The following IGF2BP2 variants were observed in gnomAD, a reference collection of about 807,000 sequenced individuals.
IGF2BP2 encodes the protein insulin like growth factor 2 mRNA binding protein 2, also known as insulin-like growth factor 2 mRNA-binding protein 2.
Under a neutral mutation model 75.8 loss-of-function variants are expected in IGF2BP2, and 17 were observed. The observed-to-expected ratio is 0.22, with a 90% confidence interval of 0.15 to 0.34. The LOEUF is 0.34. IGF2BP2 is among the 10% of genes least tolerant of loss of function. The probability of loss-of-function intolerance (pLI) is 1.00; values close to 1 mark genes in which losing one functional copy is unlikely to be tolerated. For synonymous variants in IGF2BP2, 288 were observed against 295.6 expected (o/e 0.97, Z 0.26); for missense variants, 516 against 772.4 (o/e 0.67, Z 3.93).
rs534571366 is a variant in IGF2BP2 at position 185,701,049 on chromosome 3, A to G, written c.240-2702T>C. Among the ~76,000 whole-genome samples, 186 of 152,318 alleles carry G rather than the reference A, an allele frequency of 1.2e-3. 1 individual carries two copies. Among genetic ancestry groups the G allele is most frequent in the African/African-American group, 3.9e-3 (164 of 41,580 alleles). On this transcript the variant is annotated intron_variant, in intron 2 of 15. Transcript: ENST00000382199. The stretch of plus-strand genomic sequence containing the variant: ...GAAAAAGGCTGCACCAAGCAGATTT[A>G]GTTGGTAAAAGAATACTTTTAGCTA...
chr3:185,682,138 G>A (rs1194490068), intron 7 of IGF2BP2, among the ~76,000 whole-genome samples: 2 of 152,214 alleles, frequency 1.3e-5, no homozygotes, highest in Non-Finnish European at 2.9e-5. Context: ...TGGGATGGGA[G>A]AAATATTCAC....
At chr3:185,782,531 A>G (rs1735346549) in intron 2 of IGF2BP2, among the ~76,000 whole-genome samples, 1 of 152,096 alleles carries the variant, frequency 6.6e-6, no homozygotes, top group Non-Finnish European at 1.5e-5. Context: ...GTTTACATAG[A>G]AAGTTATATT....
intron 2 of IGF2BP2, among the ~76,000 whole-genome samples, chr3:185,764,539 A>G (rs1237164386): frequency 6.6e-6 from 1 of 152,180 alleles, no homozygotes; most frequent in Admixed American, 6.5e-5. Flanking sequence ...AGGTGAAGAG[A>G]CCAATCTGCA....
chr3:185,676,791 AAT>A (rs1246517619), intron 7 of IGF2BP2, among the ~76,000 whole-genome samples: 5 of 143,902 alleles, frequency 3.5e-5, no homozygotes, highest in East Asian at 2.0e-4. Context: ...ATTTACTGGA[AAT>A]ATATATATAT....
At chr3:185,683,212 T>C (rs1001711387) in intron 7 of IGF2BP2, among the ~76,000 whole-genome samples, 2 of 152,206 alleles carry the variant, frequency 1.3e-5, no homozygotes, top group African/African-American at 4.8e-5. Context: ...TATATGATTC[T>C]ACCTATATGA....
chr3:185,723,098 C>G (rs542364928), intron 2 of IGF2BP2, among the ~76,000 whole-genome samples: 1 of 152,120 alleles, frequency 6.6e-6, no homozygotes, highest in African/African-American at 2.4e-5. Context: ...GAGACTTTTA[C>G]GTCTTCAGAA....
chr3:185,765,319 G>C (rs1266622665), intron 2 of IGF2BP2, among the ~76,000 whole-genome samples: 1 of 152,166 alleles, frequency 6.6e-6, no homozygotes, highest in Non-Finnish European at 1.5e-5. Context: ...CTTTCAATCA[G>C]TAAACCTGAG....
intron 2 of IGF2BP2, chr3:185,717,060 C>CAG: frequency 3.3e-6 from 1 of 301,586 alleles, no homozygotes; most frequent in Non-Finnish European, 6.6e-6. Flanking sequence ...CCTCTCAATT[C>CAG]AGCTCATGTT....
intron 7 of IGF2BP2, 83 bp from the exon 8 acceptor site, chr3:185,675,996 T>TA (rs1719287965): frequency 6.5e-7 from 1 of 1,526,752 alleles, no homozygotes; most frequent in Admixed American, 2.0e-5. Context: ...TTTTTTCTTA[T>TA]AAATGGAAGT....
chr3:185,716,618 C>T (rs1287740911), intron 2 of IGF2BP2: 3 of 520,018 alleles, frequency 5.8e-6, no homozygotes, highest in African/African-American at 1.9e-5. Context: ...TCTTCGGGGG[C>T]AGGTAGGGAA....
chr3:185,712,938 T>C (rs1328663209), intron 2 of IGF2BP2, among the ~76,000 whole-genome samples: 1 of 152,236 alleles, frequency 6.6e-6, no homozygotes, highest in African/African-American at 2.4e-5. Context: ...CAGGAAGCTT[T>C]ACGCTTACAC....
rs1713165760 is a variant in IGF2BP2 at position 185,644,503 on chromosome 3, G to A, written c.*1028C>T. The A allele has an allele frequency of 6.7e-6, 1 of 149,196 alleles. No homozygotes were observed. 9.2% of individuals were successfully genotyped at this position (149,196 alleles called of 1,614,324 possible). On this transcript the variant is annotated 3_prime_UTR_variant, in exon 16 of 16. Coordinates refer to ENST00000382199, the MANE Select transcript of IGF2BP2 (RefSeq NM_006548.6). ...AAGTACCATTGACTCTTGTTCTTTTGAGTAACCAAGTGTAAGTTGAGGCTG... is the reference window on the plus strand; with the variant it reads ...AAGTACCATTGACTCTTGTTCTTTTAAGTAACCAAGTGTAAGTTGAGGCTG...
chr3:185,785,354 G>C, intron 2 of IGF2BP2, among the ~76,000 whole-genome samples: 1 of 151,342 alleles, frequency 6.6e-6, no homozygotes, highest in East Asian at 1.9e-4. Flanking sequence ...TGGAGCTTTC[G>C]GGGTAGAGAC....
chr3:185,795,772 A>G (rs985841080), intron 2 of IGF2BP2, among the ~76,000 whole-genome samples: 1 of 152,030 alleles, frequency 6.6e-6, no homozygotes, highest in Non-Finnish European at 1.5e-5. Context: ...TGTAGTCCCA[A>G]CTACTAGGGA....
intron 2 of IGF2BP2, among the ~76,000 whole-genome samples, chr3:185,755,214 C>T (rs1731457727): frequency 6.6e-6 from 1 of 152,220 alleles, no homozygotes; most frequent in Non-Finnish European, 1.5e-5. Flanking sequence ...CCTCAGGAGG[C>T]TGCAACCCCC....
At chr3:185,709,870 A>G (rs546616048) in intron 2 of IGF2BP2, among the ~76,000 whole-genome samples, 17 of 152,202 alleles carry the variant, frequency 1.1e-4, no homozygotes, top group African/African-American at 3.9e-4. Flanking sequence ...CTCTACCCAA[A>G]TTTTTCGACT....
At chr3:185,812,059 G>C (rs1333983713) in intron 2 of IGF2BP2, among the ~76,000 whole-genome samples, 1 of 152,144 alleles carries the variant, frequency 6.6e-6, no homozygotes, top group Non-Finnish European at 1.5e-5. Context: ...CATGTATGTA[G>C]GACTGATACT....
At chr3:185,768,182 T>C (rs1353993746) in intron 2 of IGF2BP2, among the ~76,000 whole-genome samples, 1 of 152,222 alleles carries the variant, frequency 6.6e-6, no homozygotes, top group Non-Finnish European at 1.5e-5. Context: ...ATCATGACAC[T>C]ATATAAACAT....
At chr3:185,743,869 T>G (rs527832601) in intron 2 of IGF2BP2, among the ~76,000 whole-genome samples, 1 of 152,174 alleles carries the variant, frequency 6.6e-6, no homozygotes, top group Non-Finnish European at 1.5e-5. Context: ...CCAGGGATCA[T>G]AGAAAATCAA....
Sources: gnomAD v4.1 joint callset for allele counts (sites outside exome capture counted in the v4.1 genomes callset) on GRCh38, gnomAD v4.1.1 for gene constraint, MANE v1.5 for transcripts, NCBI Gene and HGNC (gene_info 2026-07-23, HGNC 2026-07-21) for gene names.